Variants in HPSE2 observed in about 807,000 individuals in gnomAD.
The protein encoded by HPSE2 is inactive heparanase-2.
A neutral mutation model predicts 60.5 loss-of-function variants in HPSE2; 38 were observed. That is an observed-to-expected ratio of 0.63 (90% CI 0.48 to 0.82). The LOEUF (loss-of-function observed/expected upper bound fraction) is 0.82. HPSE2 is among the 40% of genes least tolerant of loss of function. The pLI is 0.00. For missense variants in HPSE2, 713 were observed against 740.4 expected, an observed-to-expected ratio of 0.96 and a Z score of 0.43; for synonymous variants, 295 against 293.2, an observed-to-expected ratio of 1.01 and a Z score of -0.06.
intron 2 of HPSE2, among the ~76,000 whole-genome samples, chr10:99,203,665 A>G (rs539347552): frequency 2.0e-5 from 3 of 151,998 alleles, no homozygotes; most frequent in Admixed American, 2.0e-4. Flanking sequence ...TCCAGACCCA[A>G]GACTGAAACC....
At chr10:98,580,838 G>GTATATATATATATATATATA (rs1564985668) in intron 9 of HPSE2, among the ~76,000 whole-genome samples, 1 of 61,060 alleles carries the variant, frequency 1.6e-5, no homozygotes, top group Non-Finnish European at 3.7e-5. Flanking sequence ...ATATATATAT[G>GTATATATATATATATATATA]TGTGTGTGTG....
intron 3 of HPSE2, among the ~76,000 whole-genome samples, chr10:98,960,137 A>G (rs527657103): frequency 5.6e-4 from 86 of 152,280 alleles, no homozygotes; most frequent in South Asian, 3.9e-3. Context: ...GGATGCCATG[A>G]AATAACATTG....
At chr10:98,547,765 C>G (rs1943735430) in intron 9 of HPSE2, among the ~76,000 whole-genome samples, 1 of 151,452 alleles carries the variant, frequency 6.6e-6, no homozygotes, top group Admixed American at 6.6e-5. Context: ...TGTAACTAAC[C>G]TGCACATTGT....
At chr10:99,028,288 C>A (rs558755399) in intron 3 of HPSE2, among the ~76,000 whole-genome samples, 52 of 152,216 alleles carry the variant, frequency 3.4e-4, no homozygotes, top group African/African-American at 1.2e-3. Context: ...CTAATAAATT[C>A]AGTATGGTTG....
At chr10:98,882,674 A>G (rs1953056824) in intron 3 of HPSE2, among the ~76,000 whole-genome samples, 1 of 152,102 alleles carries the variant, frequency 6.6e-6, no homozygotes, top group African/African-American at 2.4e-5. Flanking sequence ...CATCAATGAG[A>G]CAGGAAAGTA....
At chr10:99,220,264 A>G (rs1038267882) in intron 2 of HPSE2, among the ~76,000 whole-genome samples, 3 of 152,052 alleles carry the variant, frequency 2.0e-5, no homozygotes, top group African/African-American at 7.3e-5. Context: ...ACAAATAACA[A>G]ACAGATAACT....
intron 4 of HPSE2, among the ~76,000 whole-genome samples, chr10:98,730,606 A>G (rs1428306575): frequency 6.6e-6 from 1 of 151,762 alleles, no homozygotes; most frequent in Non-Finnish European, 1.5e-5. Context: ...GAGAGAAGTC[A>G]CAGATTACCA....
chr10:99,168,174 A>C (rs1311756080), intron 2 of HPSE2, among the ~76,000 whole-genome samples: 1 of 151,850 alleles, frequency 6.6e-6, no homozygotes, highest in Non-Finnish European at 1.5e-5. Flanking sequence ...ATTAATTTGG[A>C]GACAATTTCA....
chr10:99,052,490 T>C (rs1442932597), intron 3 of HPSE2, among the ~76,000 whole-genome samples: 1 of 150,948 alleles, frequency 6.6e-6, no homozygotes, highest in Non-Finnish European at 1.5e-5. Context: ...TATGAAATTG[T>C]GGGGGGAAAT....
intron 3 of HPSE2, among the ~76,000 whole-genome samples, chr10:98,944,670 C>T (rs933604611): frequency 6.6e-6 from 1 of 152,156 alleles, no homozygotes; most frequent in East Asian, 1.9e-4. Flanking sequence ...CAATAAGGCA[C>T]AATACCATTC....
chr10:99,007,327 C>T (rs556469307), intron 3 of HPSE2, among the ~76,000 whole-genome samples: 19 of 152,198 alleles, frequency 1.2e-4, no homozygotes, highest in South Asian at 1.2e-3. Context: ...AGGCAGCATC[C>T]GATGCTCACT....
intron 6 of HPSE2, among the ~76,000 whole-genome samples, chr10:98,670,196 C>T (rs1007363455): frequency 6.6e-6 from 1 of 152,098 alleles, no homozygotes; most frequent in Non-Finnish European, 1.5e-5. Context: ...GCCATGCAGG[C>T]CACTCTAAGG....
chr10:99,296,602 T>C, the HPSE2 span, among the ~76,000 whole-genome samples: 1 of 152,234 alleles, frequency 6.6e-6, no homozygotes, highest in Non-Finnish European at 1.5e-5. Context: ...TGCTGTTTTC[T>C]TCTATCACTG....
At chr10:98,649,486 G>A (rs189015682) in intron 6 of HPSE2, among the ~76,000 whole-genome samples, 52 of 152,250 alleles carry the variant, frequency 3.4e-4, no homozygotes, top group African/African-American at 1.2e-3. Context: ...GATCTGCCAA[G>A]TGTCCCAACA....
chr10:98,810,214 C>T (rs1302564494), intron 3 of HPSE2, among the ~76,000 whole-genome samples: 2 of 151,946 alleles, frequency 1.3e-5, no homozygotes, highest in South Asian at 2.1e-4. Context: ...CATACTCTAC[C>T]GAAATTGTTT....
At chr10:99,031,224 G>A (rs1957490988) in intron 3 of HPSE2, among the ~76,000 whole-genome samples, 1 of 152,052 alleles carries the variant, frequency 6.6e-6, no homozygotes, top group African/African-American at 2.4e-5. Flanking sequence ...CACCTTGCAT[G>A]CCATACCAAA....
intron 3 of HPSE2, among the ~76,000 whole-genome samples, chr10:98,969,826 T>C (rs1162810014): frequency 2.0e-5 from 3 of 152,120 alleles, no homozygotes; most frequent in African/African-American, 7.2e-5. Flanking sequence ...CTGTAGGCTG[T>C]AGAGGAAGCA....
In HPSE2 at chr10:98,549,721, C is replaced by T. The variant is rs117207419; in HGVS notation, c.1321-59525G>A. Among the ~76,000 whole-genome samples the T allele has an allele frequency of 9.8e-3, 1,496 of 152,268 alleles. 10 individuals carry two copies. The highest frequency in any genetic ancestry group is 0.022 in the South Asian group (108 of 4,828). On this transcript the variant is annotated intron_variant, in intron 9 of 11. Transcript: ENST00000370552. Reference sequence around the variant, plus strand: ...TTGTCACTCTTCTTCTCCACCTCTGCGTTTAATAGCAACTGAATATTGACC... The same window carrying T: ...TTGTCACTCTTCTTCTCCACCTCTGTGTTTAATAGCAACTGAATATTGACC...
At chr10:99,088,880 T>C (rs557944186) in intron 3 of HPSE2, among the ~76,000 whole-genome samples, 2 of 152,324 alleles carry the variant, frequency 1.3e-5, no homozygotes, top group East Asian at 3.9e-4. Flanking sequence ...TTTTTTATTA[T>C]GGCCATTCTT....
Sources: gnomAD v4.1 joint callset for allele counts (sites outside exome capture counted in the v4.1 genomes callset) on GRCh38, gnomAD v4.1.1 for gene constraint, MANE v1.5 for transcripts, NCBI Gene and HGNC (gene_info 2026-07-23, HGNC 2026-07-21) for gene names.